The following SPCS1 variants were observed in gnomAD, a reference collection of about 807,000 sequenced individuals.
The protein encoded by SPCS1 is SPase 12 kDa subunit.
Under a neutral mutation model 16.4 loss-of-function variants are expected in SPCS1, and 10 were observed. The ratio of observed to expected loss-of-function variants is 0.61; its 90% confidence interval spans 0.38 to 1.03. The LOEUF is 1.03. Among genes scored for constraint, SPCS1 ranks in the 50% least tolerant of loss-of-function variants. The probability of loss-of-function intolerance (pLI) is 0.01; values close to 1 mark genes in which losing one functional copy is unlikely to be tolerated. For missense variants in SPCS1, 118 were observed against 123.8 expected, an observed-to-expected ratio of 0.95 and a Z score of 0.22; for synonymous variants, 47 against 42.5, an observed-to-expected ratio of 1.10 and a Z score of -0.41.
At position 52,707,855 on chromosome 3, in the gene SPCS1, G is replaced by T; in HGVS notation, c.*43G>T. On this transcript the variant is annotated 3_prime_UTR_variant, in exon 4 of 4. Transcript: ENST00000619898. ...ACCTGCTTTTGTTTCTGTGAGATGA[G>T]CTAAATTGCTTTCATACCCCAGATA... The T allele has an allele frequency of 6.2e-7, 1 of 1,611,764 alleles. No homozygotes were observed. Among genetic ancestry groups the T allele is most frequent in the South Asian group, 1.1e-5 (1 of 90,784 alleles).
Position 52,710,713 on chromosome 3 carries a change from G to C in SPCS1, c.*2901G>C, listed in dbSNP as rs2097349535. On this transcript the variant is annotated 3_prime_UTR_variant, in exon 4 of 4. Coordinates refer to ENST00000619898, the MANE Select transcript of SPCS1 (RefSeq NM_014041.5). ...AGAAGTGGAGGTTGCAGTGAGTTGA[G>C]ATCATGCCACTGCACTCCAGCCTGA... 1 of 151,934 alleles carries C rather than the reference G, an allele frequency of 6.6e-6. No homozygotes were observed. The highest frequency in any genetic ancestry group is 2.1e-4 in the South Asian group (1 of 4,818). 9.4% of individuals were successfully genotyped at this position (151,934 alleles called of 1,614,324 possible).
rs780929785 is a variant in SPCS1 at position 52,706,924 on chromosome 3, CGGGTT to C, written c.183+48_183+52del. 6.8e-6 allele frequency: 10 copies of C among 1,476,590 alleles called. 1 individual carries two copies. The South Asian group carries it at 1.0e-4, about 15-fold the overall frequency. The allele number at this position is 1,476,590 out of a possible 1,614,324, so 91.5% of individuals were successfully genotyped here. ...TAGTGGCAGCTTGGGTTTTGTGAGT[CGGGTT>C]GGTTTGGTTAGACCTACTCAGTAGT... is the stretch of plus-strand genomic sequence containing the variant. On this transcript the variant is annotated intron_variant, in intron 3 of 3. Coordinates refer to ENST00000619898, the MANE Select transcript of SPCS1 (RefSeq NM_014041.5).
At chr3:52,706,416 C>T (rs2097344778) in intron 1 of SPCS1, 134 bp downstream of exon 1, 1 of 984,048 alleles carries the variant, frequency 1.0e-6, no homozygotes, top group Non-Finnish European at 1.5e-6. Flanking sequence ...TCCCGAATTG[C>T]CTCCTGGGTC....
In SPCS1 at chr3:52,706,267, G is replaced by T. The variant is rs1458942719; in HGVS notation, c.21G>T (p.Ser7=). MLEHLS[S]LPTQMDYKGQ... ...CAGCCATGCTGGAGCATCTGAGCTC[G>T]CTGCCCACGCAGATGGTGAGGGCGC... The change falls in exon 1 of 4, where the codon TCG becomes TCT. Residue 7 remains serine (S), a synonymous_variant. Coordinates refer to ENST00000619898, the MANE Select transcript of SPCS1 (RefSeq NM_014041.5). The T allele has an allele frequency of 6.3e-7, 1 of 1,595,220 alleles. No homozygotes were observed. The highest frequency in any genetic ancestry group is 1.1e-5 in the South Asian group (1 of 90,324).
In SPCS1 at chr3:52,708,042, GT is replaced by G; in HGVS notation, c.*233del. On this transcript the variant is annotated 3_prime_UTR_variant, in exon 4 of 4. Transcript: ENST00000619898. ...GGGGAACAGAACACACAAGTATGAA[GT>G]TTCTTTCAGGTGTAAATAATGAAAA... is the stretch of plus-strand genomic sequence containing the variant. The G allele has an allele frequency of 2.7e-6, 1 of 372,406 alleles. No individual in the cohort carries two copies. The highest frequency in any genetic ancestry group is 4.4e-5 in the East Asian group (1 of 22,956). 23.1% of individuals were successfully genotyped at this position (372,406 alleles called of 1,614,324 possible). A position where few individuals can be genotyped will look rare whatever the true frequency, so the allele number is the denominator to read the frequency against.
At chr3:52,706,354 C>T (rs758137433) in intron 1 of SPCS1, 72 bp downstream of exon 1, 68 of 1,495,682 alleles carry the variant, frequency 4.5e-5, no homozygotes, top group Middle Eastern at 1.8e-4. Flanking sequence ...TGTTGGAGCA[C>T]CGACCCGGTG....
At position 52,710,065 on chromosome 3, in the gene SPCS1, A is replaced by G. The variant is rs1333879394; in HGVS notation, c.*2253A>G. 6.6e-6 allele frequency: 1 copy of G among 152,282 alleles called. No individual in the cohort carries two copies. The highest frequency in any genetic ancestry group is 1.5e-5 in the Non-Finnish European group (1 of 68,126). The allele number at this position is 152,282 out of a possible 1,614,324, so 9.4% of individuals were successfully genotyped here. ...ACCTGGCACACAGTAAACTCTAAAT[A>G]AAAATCTGTTAAGTGTGCCGGGCGC... On this transcript the variant is annotated 3_prime_UTR_variant, in exon 4 of 4. Transcript: ENST00000619898.
At chr3:52,706,541 C>T in intron 1 of SPCS1, 103 bp from the exon 2 acceptor site, 1 of 1,126,104 alleles carries the variant, frequency 8.9e-7, no homozygotes, top group South Asian at 1.3e-5. Context: ...GAGCGGGAGA[C>T]CCTGATGTTG....
rs2154101386 is a variant in SPCS1 at position 52,707,969 on chromosome 3, AT to A, written c.*160del. 3.4e-6 allele frequency: 3 copies of A among 877,582 alleles called. No homozygotes were observed. The South Asian group carries it at 5.4e-5, about 16-fold the overall frequency. 54.4% of individuals were successfully genotyped at this position (877,582 alleles called of 1,614,324 possible). A position where few individuals can be genotyped will look rare whatever the true frequency, so the allele number is the denominator to read the frequency against. On this transcript the variant is annotated 3_prime_UTR_variant, in exon 4 of 4. Transcript: ENST00000619898. Reference sequence around the variant, plus strand: ...TCATTTCTAGCCCAGTTGGGTTTTGATTTATATAAGTAGTTTAGACCTTCTC... The same window carrying A: ...TCATTTCTAGCCCAGTTGGGTTTTGATTATATAAGTAGTTTAGACCTTCTC...
In SPCS1 at chr3:52,709,403, A is replaced by G. The variant is rs1480927306; in HGVS notation, c.*1591A>G. 6.6e-6 allele frequency: 1 copy of G among 152,082 alleles called. No individual in the cohort carries two copies. Among genetic ancestry groups the G allele is most frequent in the Non-Finnish European group, 1.5e-5 (1 of 68,000 alleles). 9.4% of individuals were successfully genotyped at this position (152,082 alleles called of 1,614,324 possible). A position where few individuals can be genotyped will look rare whatever the true frequency, so the allele number is the denominator to read the frequency against. ...CAAAATAAAAATATACAGTATGGTA[A>G]TTAATAAGAAAGTATGGGGGAAGTC... On this transcript the variant is annotated 3_prime_UTR_variant, in exon 4 of 4. Coordinates refer to ENST00000619898, the MANE Select transcript of SPCS1 (RefSeq NM_014041.5).
Position 52,710,786 on chromosome 3 carries a change from T to C in SPCS1, c.*2974T>C, listed in dbSNP as rs1376465154. The C allele has an allele frequency of 1.3e-5, 2 of 152,134 alleles. No individual in the cohort carries two copies. The highest frequency in any genetic ancestry group is 4.8e-5 in the African/African-American group (2 of 41,430). 9.4% of individuals were successfully genotyped at this position (152,134 alleles called of 1,614,324 possible). On this transcript the variant is annotated 3_prime_UTR_variant, in exon 4 of 4. Transcript: ENST00000619898. ...CAAAAAAAAAACACCTGAAAACATT[T>C]CTGGAGCAATATTTATTTTTAGAGT...
Position 52,706,686 on chromosome 3 carries a change from A to C in SPCS1, c.79A>C (p.Ile27Leu). ...GCTAGCTGAACAGATGTTTCAGGGAATTATTCTTTTTTCTGCAGTAAGTAT... is the reference window on the plus strand; with the variant it reads ...GCTAGCTGAACAGATGTTTCAGGGACTTATTCTTTTTTCTGCAGTAAGTAT... ...QKLAEQMFQG[I>L]ILFSAIVGFI... The change falls in exon 2 of 4, where the codon ATT (isoleucine) becomes CTT (leucine). Residue 27 changes from isoleucine to leucine, a missense_variant. Coordinates refer to ENST00000619898, the MANE Select transcript of SPCS1 (RefSeq NM_014041.5). 1 of 1,613,940 alleles carries C rather than the reference A, an allele frequency of 6.2e-7. No individual in the cohort carries two copies. Among genetic ancestry groups the C allele is most frequent in the Non-Finnish European group, 8.5e-7 (1 of 1,179,858 alleles).
chr3:52,710,893 T>G lies in SPCS1; in HGVS notation c.*3081T>G, dbSNP rs2097349742. 6.6e-6 allele frequency: 1 copy of G among 152,454 alleles called. No individual in the cohort carries two copies. Among genetic ancestry groups the G allele is most frequent in the African/African-American group, 2.4e-5 (1 of 41,462 alleles). 9.4% of individuals were successfully genotyped at this position (152,454 alleles called of 1,614,324 possible). A position where few individuals can be genotyped will look rare whatever the true frequency, so the allele number is the denominator to read the frequency against. ...ATTTCTTTCCTAGATGGGTATTACC[T>G]CTTATTAAACAACTAATAAAATATG... On this transcript the variant is annotated 3_prime_UTR_variant, in exon 4 of 4. Coordinates refer to ENST00000619898, the MANE Select transcript of SPCS1 (RefSeq NM_014041.5).
rs758900187 is a variant in SPCS1, at chr3:52,706,844, T to G, written c.148T>G (p.Tyr50Asp). ...YVAEQFGWTV[Y>D]IVMAGFAFSC... ...GGCTGAACAGTTCGGGTGGACTGTC[T>G]ATATAGTTATGGCCGGATTTGCTTT... The change falls in exon 3 of 4, where the codon TAT becomes GAT. Residue 50 changes from tyrosine (Y) to aspartate (D), a missense_variant. Coordinates refer to ENST00000619898, the MANE Select transcript of SPCS1 (RefSeq NM_014041.5). The G allele has an allele frequency of 2.2e-5, 35 of 1,614,096 alleles. No individual in the cohort carries two copies. Among genetic ancestry groups the G allele is most frequent in the Non-Finnish European group, 1.7e-6 (2 of 1,179,934 alleles).
intron 1 of SPCS1, 180 bp from the exon 2 acceptor site, chr3:52,706,464 C>A: frequency 1.2e-6 from 1 of 832,916 alleles, no homozygotes; most frequent in Non-Finnish European, 1.9e-6. Context: ...CCTGTCCATT[C>A]TCCGTGAGGG....
Position 52,708,824 on chromosome 3 carries a change from A to G in SPCS1, c.*1012A>G, listed in dbSNP as rs978420187. 6.6e-6 allele frequency: 1 copy of G among 152,234 alleles called. No homozygotes were observed. The highest frequency in any genetic ancestry group is 2.4e-5 in the African/African-American group (1 of 41,464). 9.4% of individuals were successfully genotyped at this position (152,234 alleles called of 1,614,324 possible). A position where few individuals can be genotyped will look rare whatever the true frequency, so the allele number is the denominator to read the frequency against. On this transcript the variant is annotated 3_prime_UTR_variant, in exon 4 of 4. Transcript: ENST00000619898. Reference sequence around the variant, plus strand: ...TGCAGTGTAGCCAGAGCAAGGACATAAAACTTCCTTAGCTTTGTAAGTCTG... The same window carrying G: ...TGCAGTGTAGCCAGAGCAAGGACATGAAACTTCCTTAGCTTTGTAAGTCTG...
At chr3:52,706,995 G>T in intron 3 of SPCS1, 116 bp downstream of exon 3, 1 of 779,520 alleles carries the variant, frequency 1.3e-6, no homozygotes, top group Admixed American at 1.9e-5. Flanking sequence ...TCCAAACAGC[G>T]TTTCCCTTTG....
At position 52,709,384 on chromosome 3, in the gene SPCS1, A is replaced by G. The variant is rs1561275874; in HGVS notation, c.*1572A>G. The G allele has an allele frequency of 6.6e-6, 1 of 152,236 alleles. No homozygotes were observed. The highest frequency in any genetic ancestry group is 1.9e-4 in the East Asian group (1 of 5,188). The allele number at this position is 152,236 out of a possible 1,614,324, so 9.4% of individuals were successfully genotyped here. A position where few individuals can be genotyped will look rare whatever the true frequency, so the allele number is the denominator to read the frequency against. Reference sequence around the variant, plus strand: ...GGAAGAAAAGATGTTTAAACAAAATAAAAATATACAGTATGGTAATTAATA... The same window carrying G: ...GGAAGAAAAGATGTTTAAACAAAATGAAAATATACAGTATGGTAATTAATA... On this transcript the variant is annotated 3_prime_UTR_variant, in exon 4 of 4. Coordinates refer to ENST00000619898, the MANE Select transcript of SPCS1 (RefSeq NM_014041.5).
rs1056501685 is a variant in SPCS1, at chr3:52,707,955, C to A, written c.*143C>A. The A allele has an allele frequency of 4.7e-6, 5 of 1,063,276 alleles. No homozygotes were observed. Among genetic ancestry groups the A allele is most frequent in the Non-Finnish European group, 6.8e-6 (5 of 735,760 alleles). The allele number at this position is 1,063,276 out of a possible 1,614,324, so 65.9% of individuals were successfully genotyped here. A position where few individuals can be genotyped will look rare whatever the true frequency, so the allele number is the denominator to read the frequency against. ...GTTCTCTTTATACTTCATTTCTAGCCCAGTTGGGTTTTGATTTATATAAGT... is the reference window on the plus strand; with the variant it reads ...GTTCTCTTTATACTTCATTTCTAGCACAGTTGGGTTTTGATTTATATAAGT... On this transcript the variant is annotated 3_prime_UTR_variant, in exon 4 of 4. Transcript: ENST00000619898.
Sources: allele counts gnomAD v4.1 joint callset, GRCh38; gene constraint gnomAD v4.1.1; transcripts MANE v1.5; gene names NCBI Gene and HGNC (gene_info 2026-07-23, HGNC 2026-07-21).